Variants in HPS3 observed in about 807,000 individuals in gnomAD.
The protein encoded by HPS3 is BLOC-2 complex member HPS3.
HPS3 carries 79 observed loss-of-function variants against 110.9 expected under a neutral mutation model. That is an observed-to-expected ratio of 0.71 (90% CI 0.59 to 0.86). The LOEUF is 0.86. Among genes scored for constraint, HPS3 ranks in the 40% least tolerant of loss-of-function variants. HPS3 has a pLI of 0.00. For synonymous variants in HPS3, 428 were observed against 451.0 expected (o/e 0.95, Z 0.65); for missense variants, 1,197 against 1,206.2 (o/e 0.99, Z 0.11).
rs562113325 is a variant in HPS3 at position 149,163,913 on chromosome 3, T to G, written c.2553T>G (p.Ala851=). 2 of 1,573,874 alleles carry G rather than the reference T, an allele frequency of 1.3e-6. No individual in the cohort carries two copies. Among genetic ancestry groups the G allele is most frequent in the East Asian group, 4.5e-5 (2 of 44,532 alleles). ...VHVVISSDSL[A]DKNYTEDLSK... Reference sequence around the variant, plus strand: ...TCGTAATATCATCTGATTCTTTAGCTGATAAAAATTATACAGAAGATCTTT... The same window carrying G: ...TCGTAATATCATCTGATTCTTTAGCGGATAAAAATTATACAGAAGATCTTT... Residue 851 remains alanine, a synonymous_variant, in exon 14 of 17, where the codon GCT becomes GCG. Coordinates refer to ENST00000296051, the MANE Select transcript of HPS3 (RefSeq NM_032383.5).
intron 1 of HPS3, chr3:149,130,284 T>TA: frequency 2.7e-6 from 1 of 374,442 alleles, no homozygotes; most frequent in Non-Finnish European, 4.9e-6. Context: ...TTCAAAGACT[T>TA]ACCAAAAAAA....
intron 7 of HPS3, among the ~76,000 whole-genome samples, chr3:149,154,483 G>A (rs1723316961): frequency 6.6e-6 from 1 of 152,136 alleles, no homozygotes; most frequent in Non-Finnish European, 1.5e-5. Context: ...AAGCTTTCTG[G>A]GGAGAGGAAA....
intron 4 of HPS3, 147 bp from the exon 5 acceptor site, chr3:149,145,207 C>T (rs1307020927): frequency 6.1e-6 from 4 of 656,938 alleles, no homozygotes; most frequent in Non-Finnish European, 8.1e-6. Context: ...TTATTTCTTA[C>T]CAACATTCTT....
At position 149,172,412 on chromosome 3, in the gene HPS3, AC is replaced by A; in HGVS notation, c.*191del. On this transcript the variant is annotated 3_prime_UTR_variant, in exon 17 of 17. Coordinates refer to ENST00000296051, the MANE Select transcript of HPS3 (RefSeq NM_032383.5). ...CCTTACCGTGTAGTGGTAACTATTC[AC>A]TTCTTAATTTATGACCTCAATCAAT... 1.9e-6 allele frequency: 1 copy of A among 522,000 alleles called. No homozygotes were observed. Among genetic ancestry groups the A allele is most frequent in the Admixed American group, 3.2e-5 (1 of 31,566 alleles). The allele number at this position is 522,000 out of a possible 1,614,324, so 32.3% of individuals were successfully genotyped here. A position where few individuals can be genotyped will look rare whatever the true frequency, so the allele number is the denominator to read the frequency against.
chr3:149,158,313 T>C (rs570608593), intron 9 of HPS3, among the ~76,000 whole-genome samples: 2 of 152,272 alleles, frequency 1.3e-5, no homozygotes, highest in East Asian at 3.9e-4. Context: ...TTAACTTAAA[T>C]TGTTGTTTTT....
intron 5 of HPS3, among the ~76,000 whole-genome samples, chr3:149,149,311 G>T (rs568375288): frequency 6.6e-6 from 1 of 151,988 alleles, no homozygotes; most frequent in South Asian, 2.1e-4. Flanking sequence ...TTGTTTTTGC[G>T]GTCATAGCTA....
intron 14 of HPS3, among the ~76,000 whole-genome samples, chr3:149,166,500 A>G (rs1724430131): frequency 6.6e-6 from 1 of 152,182 alleles, no homozygotes; most frequent in Admixed American, 6.5e-5. Flanking sequence ...TTCAGAATAT[A>G]ATTTTGTATT....
At chr3:149,159,478 G>A (rs371934714) in intron 10 of HPS3, among the ~76,000 whole-genome samples, 49 of 152,194 alleles carry the variant, frequency 3.2e-4, no homozygotes, top group African/African-American at 1.0e-3. Context: ...CAGGAGGATC[G>A]CTTGAGCCCA....
At chr3:149,151,701 A>G (rs1220937073) in intron 6 of HPS3, among the ~76,000 whole-genome samples, 1 of 151,720 alleles carries the variant, frequency 6.6e-6, no homozygotes, top group African/African-American at 2.4e-5. Context: ...TCAGAAATAC[A>G]CTGATCATTT....
chr3:149,153,808 T>C (rs1402325005), intron 7 of HPS3, 160 bp downstream of exon 7: 1 of 717,682 alleles, frequency 1.4e-6, no homozygotes, highest in South Asian at 1.7e-5. Context: ...TCTAACAATC[T>C]CTGTAATACA....
intron 5 of HPS3, among the ~76,000 whole-genome samples, chr3:149,148,949 C>CTTTTTTTT (rs140573513): frequency 9.8e-6 from 1 of 102,454 alleles, no homozygotes; most frequent in African/African-American, 3.7e-5. Context: ...GGAACCCTGC[C>CTTTTTTTT]TTTTTTTTTT....
intron 15 of HPS3, 29 bp from the exon 16 acceptor site, chr3:149,167,864 T>C: frequency 7.4e-7 from 1 of 1,359,532 alleles, no homozygotes; most frequent in Non-Finnish European, 1.1e-6. Context: ...TGCATCAAAC[T>C]AAAATTTATT....
chr3:149,154,144 C>G (rs1723299424), intron 7 of HPS3: 1 of 155,420 alleles, frequency 6.4e-6, no homozygotes, highest in Admixed American at 6.4e-5. Flanking sequence ...ACATTCATCT[C>G]TTGTTATTTA....
At chr3:149,153,858 T>C in intron 7 of HPS3, 1 of 589,902 alleles carries the variant, frequency 1.7e-6, no homozygotes, top group Non-Finnish European at 3.0e-6. Flanking sequence ...GAAAATGGAT[T>C]ATAAAATAGT....
At chr3:149,143,935 G>A (rs892010244) in intron 4 of HPS3, among the ~76,000 whole-genome samples, 2 of 152,064 alleles carry the variant, frequency 1.3e-5, no homozygotes, top group East Asian at 1.9e-4. Context: ...GAACCCCCAC[G>A]TACCCATCAA....
chr3:149,131,490 C>A (rs1721777383), intron 1 of HPS3, among the ~76,000 whole-genome samples: 1 of 152,130 alleles, frequency 6.6e-6, no homozygotes, highest in Non-Finnish European at 1.5e-5. Context: ...GATCAGCAAT[C>A]TTTGATGTTA....
At chr3:149,162,422 T>C in intron 12 of HPS3, 89 bp downstream of exon 12, 1 of 1,262,252 alleles carries the variant, frequency 7.9e-7, no homozygotes, top group East Asian at 2.4e-5. Flanking sequence ...AGTTTTTCAT[T>C]TGTTTGTTTA....
At chr3:149,138,949 A>G (rs1722277889) in intron 1 of HPS3, among the ~76,000 whole-genome samples, 1 of 152,192 alleles carries the variant, frequency 6.6e-6, no homozygotes, top group Admixed American at 6.5e-5. Flanking sequence ...TATCTAATTG[A>G]TAGTAATTGG....
chr3:149,166,128 A>C lies in HPS3; in HGVS notation c.2590-906A>C, dbSNP rs1053963605. 1.5e-5 allele frequency: 6 copies of C among 405,510 alleles called. No homozygotes were observed. In the Admixed American group the frequency reaches 1.5e-4, roughly 10 times the overall value. The allele number at this position is 405,510 out of a possible 1,614,324, so 25.1% of individuals were successfully genotyped here. On this transcript the variant is annotated intron_variant, in intron 14 of 16. Transcript: ENST00000296051. Reference sequence around the variant, plus strand: ...TTTATCCTGGAGAAAGGGAAAGTGGAGATTATTTTGGTGGTAGAATCAAAA... The same window carrying C: ...TTTATCCTGGAGAAAGGGAAAGTGGCGATTATTTTGGTGGTAGAATCAAAA...
Sources: allele counts gnomAD v4.1 joint callset (sites outside exome capture counted in the v4.1 genomes callset), GRCh38; gene constraint gnomAD v4.1.1; transcripts MANE v1.5; gene names NCBI Gene and HGNC (gene_info 2026-07-23, HGNC 2026-07-21).